The following RAPGEF4 variants were observed in gnomAD, a reference collection of about 807,000 sequenced individuals.
RAPGEF4 encodes RAP guanine-nucleotide-exchange factor (GEF) 4.
In RAPGEF4, 66 loss-of-function variants were observed where a neutral mutation model predicts 147.9. The ratio of observed to expected loss-of-function variants is 0.45; its 90% CI spans 0.37 to 0.55. The LOEUF (loss-of-function observed/expected upper bound fraction) is 0.55. Ranked by LOEUF, RAPGEF4 falls within the 20% of genes least tolerant of loss-of-function variation. RAPGEF4 has a pLI of 0.00. For missense variants in RAPGEF4, 1,071 were observed against 1,257.3 expected (o/e 0.85, Z 2.24); for synonymous variants, 419 against 442.7 (o/e 0.95, Z 0.67).
chr2:172,799,414 A>G (rs1686743140), intron 3 of RAPGEF4, among the ~76,000 whole-genome samples: 1 of 152,188 alleles, frequency 6.6e-6, no homozygotes, highest in African/African-American at 2.4e-5. Flanking sequence ...GACTCTTAAG[A>G]AACATGAGGC....
intron 6 of RAPGEF4, among the ~76,000 whole-genome samples, chr2:172,960,244 A>G (rs1689146793): frequency 6.6e-6 from 1 of 152,224 alleles, no homozygotes; most frequent in Non-Finnish European, 1.5e-5. Flanking sequence ...TAGGAGCTTG[A>G]GTGCATAGAA....
chr2:172,879,529 A>G (rs749331997), intron 4 of RAPGEF4, among the ~76,000 whole-genome samples: 30 of 152,152 alleles, frequency 2.0e-4, no homozygotes, highest in Non-Finnish European at 1.3e-4. Context: ...ATTTTATTAC[A>G]TCTCTATTAC....
chr2:172,745,194 T>C (rs901368991), intron 1 of RAPGEF4, among the ~76,000 whole-genome samples: 1 of 152,142 alleles, frequency 6.6e-6, no homozygotes, highest in African/African-American at 2.4e-5. Context: ...ATTTTACAAA[T>C]GTCTTATAGA....
At chr2:172,946,639 A>G (rs988734889) in intron 6 of RAPGEF4, among the ~76,000 whole-genome samples, 2 of 152,104 alleles carry the variant, frequency 1.3e-5, no homozygotes, top group African/African-American at 4.8e-5. Context: ...TGTTCATCCT[A>G]AAGACCCTGT....
In RAPGEF4 at chr2:172,959,350, T is replaced by C. The variant is rs528129503; in HGVS notation, c.538-1410T>C. ...AATCTTCAAAGCCAGTTCTGACTTC[T>C]CTGCTTCCCTCTTCCATATTTTAAG... On this transcript the variant is annotated intron_variant, in intron 6 of 30. Transcript: ENST00000397081. 5.4e-4 allele frequency among the ~76,000 whole-genome samples: 83 copies of C among 152,340 alleles called. 2 individuals carry two copies. The highest frequency in any genetic ancestry group is 2.0e-3 in the African/African-American group (82 of 41,580).
intron 4 of RAPGEF4, among the ~76,000 whole-genome samples, chr2:172,915,367 A>G (rs1683951086): frequency 1.3e-5 from 2 of 152,162 alleles, no homozygotes; most frequent in African/African-American, 4.8e-5. Context: ...AGGAGTCTTT[A>G]TCTTTTAGAA....
intron 22 of RAPGEF4, 53 bp from the exon 23 acceptor site, chr2:173,020,565 C>A (rs1450286533): frequency 7.1e-7 from 1 of 1,409,304 alleles, no homozygotes; most frequent in Non-Finnish European, 1.0e-6. Flanking sequence ...TAGGGCAGTG[C>A]AGCAAATCTC....
At chr2:172,994,344 A>C (rs1693113007) in intron 15 of RAPGEF4, among the ~76,000 whole-genome samples, 1 of 152,180 alleles carries the variant, frequency 6.6e-6, no homozygotes, top group Non-Finnish European at 1.5e-5. Flanking sequence ...CCTGGTCTCC[A>C]TGTGGAGCGT....
At chr2:172,906,073 C>T (rs1391407644) in intron 4 of RAPGEF4, among the ~76,000 whole-genome samples, 1 of 151,884 alleles carries the variant, frequency 6.6e-6, no homozygotes, top group Non-Finnish European at 1.5e-5. Context: ...GATTTTGGAG[C>T]CATGTGTTGT....
chr2:172,751,003 C>T (rs1695236323), intron 1 of RAPGEF4, among the ~76,000 whole-genome samples: 1 of 152,094 alleles, frequency 6.6e-6, no homozygotes. Flanking sequence ...CCTGTTACAG[C>T]AAAAGCTGGG....
At chr2:172,748,195 A>G (rs902314968) in intron 1 of RAPGEF4, among the ~76,000 whole-genome samples, 13 of 152,216 alleles carry the variant, frequency 8.5e-5, no homozygotes, top group African/African-American at 3.1e-4. Context: ...GTACCCAGAC[A>G]TGGGCTTGCT....
intron 6 of RAPGEF4, among the ~76,000 whole-genome samples, chr2:172,958,020 T>C (rs1315126539): frequency 2.0e-5 from 3 of 152,236 alleles, no homozygotes; most frequent in Admixed American, 1.3e-4. Flanking sequence ...AATTAAAACA[T>C]GCAATCTTCA....
At chr2:172,841,037 G>A (rs191860691) in intron 4 of RAPGEF4, among the ~76,000 whole-genome samples, 2 of 152,344 alleles carry the variant, frequency 1.3e-5, no homozygotes, top group East Asian at 3.9e-4. Context: ...TTGAGATCCT[G>A]ATGAAAGTGA....
At chr2:172,879,632 C>G (rs1244308847) in intron 4 of RAPGEF4, among the ~76,000 whole-genome samples, 2 of 152,012 alleles carry the variant, frequency 1.3e-5, no homozygotes, top group African/African-American at 4.8e-5. Flanking sequence ...AAGACCCCGT[C>G]TCTACAAAAA....
intron 30 of RAPGEF4, 55 bp downstream of exon 30, chr2:173,048,709 T>C (rs1685811347): frequency 1.9e-6 from 3 of 1,612,744 alleles, no homozygotes; most frequent in African/African-American, 1.3e-5. Flanking sequence ...TAAGGTCTTC[T>C]TAATGAGGCC....
At chr2:172,847,396 C>T (rs181317383) in intron 4 of RAPGEF4, among the ~76,000 whole-genome samples, 23 of 152,320 alleles carry the variant, frequency 1.5e-4, no homozygotes, top group Admixed American at 8.5e-4. Flanking sequence ...ATGGTGACAG[C>T]ATGGCTTCCC....
chr2:172,953,622 A>C (rs1688441408), intron 6 of RAPGEF4, among the ~76,000 whole-genome samples: 1 of 152,162 alleles, frequency 6.6e-6, no homozygotes, highest in Non-Finnish European at 1.5e-5. Context: ...CCTCAGTCTT[A>C]ATCCATAAAT....
Position 172,985,148 on chromosome 2 carries a change from G to A in RAPGEF4, c.1090-285G>A, listed in dbSNP as rs189326172. Among the ~76,000 whole-genome samples, 145 of 152,338 alleles carry A rather than the reference G, an allele frequency of 9.5e-4. 2 individuals are homozygous for A. Among genetic ancestry groups the A allele is most frequent in the African/African-American group, 3.4e-3 (143 of 41,582 alleles). ...CCCACAGCCAAAGACAGGCAGGCAA[G>A]TGGGCTAGTTAATGCAGGTGGGACC... is the stretch of plus-strand genomic sequence containing the variant. On this transcript the variant is annotated intron_variant, in intron 11 of 30. Coordinates refer to ENST00000397081, the MANE Select transcript of RAPGEF4 (RefSeq NM_007023.4).
chr2:173,026,905 T>C (rs1470628676), intron 24 of RAPGEF4, among the ~76,000 whole-genome samples, 176 bp from the exon 25 acceptor site: 1 of 152,206 alleles, frequency 6.6e-6, no homozygotes, highest in East Asian at 1.9e-4. Flanking sequence ...CCTGTGTATA[T>C]TAAGCCAGTA....
Sources: gnomAD v4.1 joint callset for allele counts (sites outside exome capture counted in the v4.1 genomes callset) on GRCh38, gnomAD v4.1.1 for gene constraint, MANE v1.5 for transcripts, NCBI Gene and HGNC (gene_info 2026-07-23, HGNC 2026-07-21) for gene names.